ATP13A4: variants seen among roughly 807,000 people sequenced by gnomAD.
ATP13A4 encodes the protein probable cation-transporting ATPase 13A4.
In ATP13A4, 114 loss-of-function variants were observed where a neutral mutation model predicts 142.5. That is an observed-to-expected ratio of 0.80 (90% CI 0.69 to 0.93). The LOEUF (loss-of-function observed/expected upper bound fraction) is 0.93, where lower values mean the gene tolerates loss of function less well. Among genes scored for constraint, ATP13A4 ranks in the 40% least tolerant of loss-of-function variants. The pLI is 0.00. For synonymous variants in ATP13A4, 488 were observed against 514.8 expected (o/e 0.95, Z 0.70); for missense variants, 1,392 against 1,454.0 (o/e 0.96, Z 0.69).
chr3:193,540,545 A>C (rs980345825), intron 1 of ATP13A4, among the ~76,000 whole-genome samples: 2 of 151,432 alleles, frequency 1.3e-5, no homozygotes, highest in Non-Finnish European at 2.9e-5. Context: ...AAAAAAAAAA[A>C]AAAAAAAAAC....
chr3:193,521,231 T>A (rs1014560248), intron 1 of ATP13A4, among the ~76,000 whole-genome samples: 4 of 152,050 alleles, frequency 2.6e-5, no homozygotes, highest in African/African-American at 9.7e-5. Context: ...TAACTATAAT[T>A]CAGGGCAGAA....
intron 7 of ATP13A4, among the ~76,000 whole-genome samples, chr3:193,486,711 G>GATATCT (rs1719643007): frequency 6.6e-6 from 1 of 152,138 alleles, no homozygotes; most frequent in African/African-American, 2.4e-5. Context: ...ACTGAAAAGA[G>GATATCT]GTATCTGGAT....
At chr3:193,500,276 CATGT>C (rs1720467746) in intron 3 of ATP13A4, among the ~76,000 whole-genome samples, 1 of 152,076 alleles carries the variant, frequency 6.6e-6, no homozygotes, top group African/African-American at 2.4e-5. Context: ...CTTGTTAGAA[CATGT>C]TATAAGAGCA....
intron 24 of ATP13A4, 86 bp from the exon 25 acceptor site, chr3:193,434,003 C>T: frequency 8.9e-7 from 1 of 1,128,660 alleles, no homozygotes; most frequent in Non-Finnish European, 1.3e-6. Flanking sequence ...CTCACTGTGA[C>T]ATAGGGTTTT....
At chr3:193,438,993 T>A in intron 22 of ATP13A4, 30 bp downstream of exon 22, 3 of 1,584,322 alleles carry the variant, frequency 1.9e-6, no homozygotes, top group Non-Finnish European at 2.6e-6. Context: ...GAATGTGAGA[T>A]TATGGCCACA....
intron 16 of ATP13A4, 55 bp from the exon 17 acceptor site, chr3:193,454,267 G>A (rs1717449954): frequency 7.5e-7 from 1 of 1,326,120 alleles, no homozygotes; most frequent in Non-Finnish European, 1.1e-6. Flanking sequence ...GGCAGTACTG[G>A]CAAAGAAATT....
At chr3:193,489,531 A>C in intron 7 of ATP13A4, among the ~76,000 whole-genome samples, 199 bp downstream of exon 7, 1 of 152,162 alleles carries the variant, frequency 6.6e-6, no homozygotes, top group East Asian at 1.9e-4. Context: ...AAATAACTAC[A>C]AAGGTTAGGG....
intron 2 of ATP13A4, among the ~76,000 whole-genome samples, chr3:193,563,185 A>T (rs997605304): frequency 6.6e-6 from 1 of 152,206 alleles, no homozygotes; most frequent in Non-Finnish European, 1.5e-5. Context: ...ACAATTGAAC[A>T]GCTTTATATT....
intron 7 of ATP13A4, among the ~76,000 whole-genome samples, chr3:193,486,974 T>C (rs1023781386): frequency 1.9e-4 from 29 of 152,234 alleles, no homozygotes; most frequent in African/African-American, 6.5e-4. Flanking sequence ...CACAAGAAAC[T>C]AATGTAAGCA....
At chr3:193,407,431 A>C in intron 28 of ATP13A4, 38 bp from the exon 29 acceptor site, 3 of 1,512,412 alleles carry the variant, frequency 2.0e-6, no homozygotes, top group Non-Finnish European at 1.8e-6. Context: ...GTCTGAAGAC[A>C]CGCAGATGCT....
At chr3:193,580,770 C>T (rs373012996) in intron 2 of ATP13A4, among the ~76,000 whole-genome samples, 49 of 152,182 alleles carry the variant, frequency 3.2e-4, no homozygotes, top group African/African-American at 1.1e-3. Flanking sequence ...CGGTTTTGAA[C>T]ATGACATTGG....
chr3:193,448,431 G>T, intron 17 of ATP13A4, 101 bp from the exon 18 acceptor site: 1 of 1,435,318 alleles, frequency 7.0e-7, no homozygotes, highest in Non-Finnish European at 9.6e-7. Flanking sequence ...GAGGACAGTG[G>T]TTCAAGTCAT....
At chr3:193,500,820 T>C (rs557387837) in intron 3 of ATP13A4, among the ~76,000 whole-genome samples, 1 of 152,298 alleles carries the variant, frequency 6.6e-6, no homozygotes, top group African/African-American at 2.4e-5. Context: ...GCTGAGCCCA[T>C]GACAGCTCCT....
rs142058045 is a variant in ATP13A4, at chr3:193,531,123, T to C, written c.61-16252A>G. Among the ~76,000 whole-genome samples the C allele has an allele frequency of 2.8e-3, 426 of 152,144 alleles. 2 individuals carry two copies. The highest frequency in any genetic ancestry group is 9.9e-3 in the African/African-American group (411 of 41,510). On this transcript the variant is annotated intron_variant, in intron 1 of 29. Transcript: ENST00000342695. ...AGCCGTCCAGGAGTGGGTCGTGGCT[T>C]CTCCTATGTTCTCACAGCACCTTGC...
intron 3 of ATP13A4, among the ~76,000 whole-genome samples, chr3:193,497,425 T>C (rs1296337606): frequency 6.6e-6 from 1 of 152,056 alleles, no homozygotes; most frequent in East Asian, 1.9e-4. Context: ...TGACAAATGC[T>C]AGCAAGGATA....
At chr3:193,452,031 C>T (rs535957275) in intron 17 of ATP13A4, among the ~76,000 whole-genome samples, 14 of 152,306 alleles carry the variant, frequency 9.2e-5, no homozygotes, top group African/African-American at 3.4e-4. Context: ...ATGTCCTCTC[C>T]TGCGCGCCAC....
At chr3:193,487,018 C>T (rs1035831430) in intron 7 of ATP13A4, among the ~76,000 whole-genome samples, 2 of 151,964 alleles carry the variant, frequency 1.3e-5, no homozygotes, top group African/African-American at 2.4e-5. Context: ...AAAAATGGAG[C>T]CTTTACATTA....
intron 1 of ATP13A4, among the ~76,000 whole-genome samples, chr3:193,584,094 AAAG>A (rs1442981202): frequency 1.1e-4 from 16 of 152,214 alleles, no homozygotes; most frequent in South Asian, 4.1e-4. Flanking sequence ...CGCTTCCCAC[AAAG>A]AAGTCTGAAT....
At chr3:193,414,298 C>A (rs540319039) in intron 26 of ATP13A4, among the ~76,000 whole-genome samples, 1 of 152,118 alleles carries the variant, frequency 6.6e-6, no homozygotes, top group Non-Finnish European at 1.5e-5. Flanking sequence ...ACTGGGGCTG[C>A]TCAGGCAAAT....
Sources: allele counts gnomAD v4.1 joint callset (sites outside exome capture counted in the v4.1 genomes callset), GRCh38; gene constraint gnomAD v4.1.1; transcripts MANE v1.5; gene names NCBI Gene and HGNC (gene_info 2026-07-23, HGNC 2026-07-21).